Variants in WDR70 observed in about 807,000 individuals in gnomAD.
The protein encoded by WDR70 is WD repeat domain 70, also known as WD repeat-containing protein 70.
Under a neutral mutation model 88.6 loss-of-function variants are expected in WDR70, and 53 were observed. That is an observed-to-expected ratio of 0.60 (90% confidence interval 0.48 to 0.75). WDR70 has a LOEUF of 0.75. WDR70 is among the 30% of genes least tolerant of loss of function. WDR70 has a pLI of 0.00. For missense variants in WDR70, 610 were observed against 823.2 expected (o/e 0.74, Z 3.17); for synonymous variants, 280 against 270.0 (o/e 1.04, Z -0.36).
intron 7 of WDR70, among the ~76,000 whole-genome samples, chr5:37,453,242 C>G (rs6876026): frequency 0.86 from 130,566 of 152,150 alleles, 59,485 homozygotes; most frequent in East Asian, 1. Flanking sequence ...AAATATAGAG[C>G]TGTGAAGTGG....
chr5:37,714,866 G>A (rs1319966506), intron 13 of WDR70, among the ~76,000 whole-genome samples: 1 of 152,088 alleles, frequency 6.6e-6, no homozygotes, highest in East Asian at 1.9e-4. Flanking sequence ...TTACTGTTTT[G>A]AATTAGATGA....
chr5:37,475,378 G>A (rs1283968678), intron 7 of WDR70, among the ~76,000 whole-genome samples: 5 of 151,990 alleles, frequency 3.3e-5, no homozygotes, highest in African/African-American at 1.2e-4. Context: ...GGGATTACAG[G>A]CATGCACCAC....
intron 5 of WDR70, among the ~76,000 whole-genome samples, chr5:37,431,903 G>A (rs1035182956): frequency 4.6e-5 from 7 of 152,038 alleles, no homozygotes; most frequent in Admixed American, 1.3e-4. Flanking sequence ...CTTTTAAGAC[G>A]GAAAAATATT....
intron 9 of WDR70, among the ~76,000 whole-genome samples, chr5:37,588,707 G>C (rs1394330949): frequency 6.6e-6 from 1 of 152,004 alleles, no homozygotes; most frequent in Non-Finnish European, 1.5e-5. Flanking sequence ...CTCCCAAGTA[G>C]CTGGGACTAC....
At chr5:37,624,329 C>A (rs1437410535) in intron 10 of WDR70, among the ~76,000 whole-genome samples, 1 of 152,130 alleles carries the variant, frequency 6.6e-6, no homozygotes, top group Admixed American at 6.6e-5. Context: ...GCTTATTTCA[C>A]TTACCTTCCA....
rs1743989958 is a variant in WDR70 at position 37,605,007 on chromosome 5, C to T, written c.918-57C>T. On this transcript the variant is annotated intron_variant, in intron 9 of 17. Transcript: ENST00000265107. ...TTTATGGACTCTTCCCTATTTTAACCTCCCCCCTCCTTCTTTTTTTTTTTA... is the reference window on the plus strand; with the variant it reads ...TTTATGGACTCTTCCCTATTTTAACTTCCCCCCTCCTTCTTTTTTTTTTTA... The T allele has an allele frequency of 7.6e-6, 11 of 1,439,276 alleles. 1 individual carries two copies. The South Asian group carries it at 8.2e-5, about 11-fold the overall frequency. The allele number at this position is 1,439,276 out of a possible 1,614,324, so 89.2% of individuals were successfully genotyped here. A position where few individuals can be genotyped will look rare whatever the true frequency, so the allele number is the denominator to read the frequency against.
At chr5:37,534,312 T>G (rs1741592526) in intron 9 of WDR70, among the ~76,000 whole-genome samples, 1 of 152,184 alleles carries the variant, frequency 6.6e-6, no homozygotes, top group Admixed American at 6.5e-5. Context: ...TTAACTGTAT[T>G]AATTCTCTAA....
At chr5:37,414,393 A>C (rs1439273770) in intron 5 of WDR70, among the ~76,000 whole-genome samples, 4 of 152,146 alleles carry the variant, frequency 2.6e-5, no homozygotes, top group Non-Finnish European at 1.5e-5. Flanking sequence ...ACATGGAATA[A>C]TACCCAGAAC....
At chr5:37,462,467 T>C (rs2112107903) in intron 7 of WDR70, among the ~76,000 whole-genome samples, 1 of 152,274 alleles carries the variant, frequency 6.6e-6, no homozygotes, top group East Asian at 1.9e-4. Context: ...GACGCCTGGC[T>C]AATTTTTTGT....
intron 10 of WDR70, among the ~76,000 whole-genome samples, chr5:37,641,152 C>T (rs2112541862): frequency 6.6e-6 from 1 of 152,352 alleles, no homozygotes; most frequent in Admixed American, 6.5e-5. Context: ...CTCTGTCACC[C>T]AGGCTGGAGT....
chr5:37,498,490 C>T (rs1740298086), intron 8 of WDR70, among the ~76,000 whole-genome samples: 1 of 152,186 alleles, frequency 6.6e-6, no homozygotes, highest in African/African-American at 2.4e-5. Flanking sequence ...TGTATAGACA[C>T]TAATTACATA....
intron 8 of WDR70, among the ~76,000 whole-genome samples, chr5:37,512,066 G>C (rs975935845): frequency 6.6e-6 from 1 of 152,190 alleles, no homozygotes; most frequent in African/African-American, 2.4e-5. Flanking sequence ...GTGTTGGCAA[G>C]AATGTTGGCT....
intron 8 of WDR70, among the ~76,000 whole-genome samples, chr5:37,483,838 C>T (rs184179037): frequency 0.018 from 2,770 of 151,384 alleles, 31 homozygotes; most frequent in Non-Finnish European, 0.027. Flanking sequence ...ACTTCTCAGA[C>T]GGGGCGGCTG....
intron 16 of WDR70, among the ~76,000 whole-genome samples, chr5:37,725,825 C>G (rs1747955635): frequency 6.6e-6 from 1 of 152,074 alleles, no homozygotes; most frequent in Non-Finnish European, 1.5e-5. Context: ...GCTTTAATCC[C>G]TAACTCCATT....
At position 37,521,638 on chromosome 5, in the gene WDR70, T is replaced by G. The variant is rs188350862; in HGVS notation, c.917+5048T>G. ...TTCACTTAGAATAATAGTCTTCAATTCCATCCAGGCTGCTATGAATGCAAT... is the reference window on the plus strand; with the variant it reads ...TTCACTTAGAATAATAGTCTTCAATGCCATCCAGGCTGCTATGAATGCAAT... On this transcript the variant is annotated intron_variant, in intron 9 of 17. Coordinates refer to ENST00000265107, the MANE Select transcript of WDR70 (RefSeq NM_018034.4). Among the ~76,000 whole-genome samples the G allele has an allele frequency of 2.0e-5, 3 of 152,084 alleles. No individual in the cohort carries two copies. In the East Asian group the frequency reaches 5.8e-4, roughly 29 times the overall value.
At chr5:37,712,541 T>C (rs750731197) in intron 13 of WDR70, among the ~76,000 whole-genome samples, 1 of 152,220 alleles carries the variant, frequency 6.6e-6, no homozygotes, top group Non-Finnish European at 1.5e-5. Context: ...AAATATACTC[T>C]GTGCTTTGAA....
intron 9 of WDR70, among the ~76,000 whole-genome samples, chr5:37,588,544 C>T (rs957462178): frequency 4.0e-5 from 6 of 151,502 alleles, no homozygotes; most frequent in African/African-American, 1.5e-4. Flanking sequence ...TTCTTTTTTC[C>T]CCCACTCTCC....
chr5:37,661,828 T>C (rs1212984090), intron 10 of WDR70, among the ~76,000 whole-genome samples: 1 of 152,208 alleles, frequency 6.6e-6, no homozygotes, highest in Non-Finnish European at 1.5e-5. Context: ...ATGTTATTCA[T>C]AGTAATTAAT....
intron 10 of WDR70, among the ~76,000 whole-genome samples, chr5:37,649,733 CTTTTTTTT>C (rs70978834): frequency 7.3e-5 from 5 of 68,740 alleles, no homozygotes; most frequent in South Asian, 6.5e-4. Context: ...GTTATTACTT[CTTTTTTTT>C]TTTTTTTTTT....
Sources: allele counts gnomAD v4.1 joint callset (sites outside exome capture counted in the v4.1 genomes callset), GRCh38; gene constraint gnomAD v4.1.1; transcripts MANE v1.5; gene names NCBI Gene and HGNC (gene_info 2026-07-23, HGNC 2026-07-21).